The following PVT1 variants were observed in gnomAD, a reference collection of about 807,000 sequenced individuals.
PVT1 encodes the protein Pvt1 oncogene, also known as CXCR4/PVT1 fusion.
At chr8:127,945,158 T>C (rs1816404880) in intron 3 of PVT1, among the ~76,000 whole-genome samples, 1 of 152,216 alleles carries the variant, frequency 6.6e-6, no homozygotes, top group Non-Finnish European at 1.5e-5. Context: ...ACCATTCCCC[T>C]GTTGAGACAC....
chr8:127,912,593 G>A (rs1355086396), intron 3 of PVT1, among the ~76,000 whole-genome samples: 1 of 152,226 alleles, frequency 6.6e-6, no homozygotes, highest in Admixed American at 6.5e-5. Flanking sequence ...TATTGTGATA[G>A]AGGAAGAAAG....
At chr8:127,992,074 CAAAA>C (rs72120482) in intron 4 of PVT1, among the ~76,000 whole-genome samples, 3 of 141,932 alleles carry the variant, frequency 2.1e-5, no homozygotes, top group African/African-American at 8.0e-5. Flanking sequence ...TTTCTTAAAA[CAAAA>C]AAAAAAAAAA....
intron 3 of PVT1, among the ~76,000 whole-genome samples, chr8:127,940,778 T>A (rs1692024027): frequency 6.6e-6 from 1 of 152,062 alleles, no homozygotes; most frequent in Non-Finnish European, 1.5e-5. Flanking sequence ...TTTTTTGTAT[T>A]TTTTGTAGAG....
At chr8:127,960,895 CTCTT>C (rs1459824873) in intron 3 of PVT1, among the ~76,000 whole-genome samples, 1 of 122,372 alleles carries the variant, frequency 8.2e-6, no homozygotes, top group Non-Finnish European at 1.6e-5. Context: ...GTTGGAAGTG[CTCTT>C]TTTCCTTAGA....
chr8:127,835,100 A>G (rs190509840), intron 2 of PVT1, among the ~76,000 whole-genome samples: 10 of 152,316 alleles, frequency 6.6e-5, no homozygotes, highest in Non-Finnish European at 8.8e-5. Context: ...TACTGGGTAT[A>G]TACCCAAAAG....
chr8:127,921,854 GTTTTTTTT>G (rs71300279), intron 3 of PVT1, among the ~76,000 whole-genome samples: 7 of 71,924 alleles, frequency 9.7e-5, no homozygotes, highest in Middle Eastern at 0.024. Flanking sequence ...TTTGGTTCAT[GTTTTTTTT>G]TTTTTTTTTT....
intron 5 of PVT1, among the ~76,000 whole-genome samples, chr8:128,075,920 C>A (rs1002789483): frequency 4.6e-5 from 7 of 152,236 alleles, no homozygotes; most frequent in African/African-American, 1.7e-4. Flanking sequence ...TCACTGCTAT[C>A]TTTTGGTAGC....
chr8:127,915,385 G>A (rs956464734), intron 3 of PVT1, among the ~76,000 whole-genome samples: 2 of 151,508 alleles, frequency 1.3e-5, no homozygotes, highest in African/African-American at 2.4e-5. Context: ...CGAGGCGGGC[G>A]GCAGATCACC....
At chr8:127,974,051 A>G (rs949609922) in intron 3 of PVT1, among the ~76,000 whole-genome samples, 3 of 151,656 alleles carry the variant, frequency 2.0e-5, no homozygotes, top group Non-Finnish European at 4.4e-5. Flanking sequence ...AGGGCTTTAT[A>G]TTTTCGAAGG....
chr8:128,018,372 C>T (rs1413234470), intron 4 of PVT1, among the ~76,000 whole-genome samples: 2 of 152,210 alleles, frequency 1.3e-5, no homozygotes, highest in Non-Finnish European at 2.9e-5. Flanking sequence ...GCAGCAGCCC[C>T]TTTGTGCCTC....
intron 4 of PVT1, among the ~76,000 whole-genome samples, chr8:128,056,857 G>C (rs741460): frequency 0.18 from 26,831 of 152,034 alleles, 2,436 homozygotes; most frequent in East Asian, 0.27. Flanking sequence ...GCCCATGCTT[G>C]CCCCAGCAGT....
At chr8:127,872,378 A>G (rs1815360496) in intron 2 of PVT1, among the ~76,000 whole-genome samples, 1 of 152,194 alleles carries the variant, frequency 6.6e-6, no homozygotes, top group Non-Finnish European at 1.5e-5. Context: ...GCGCCACTGC[A>G]CTCCAGCCTG....
At chr8:128,010,737 C>T (rs773848450) in intron 4 of PVT1, 1 of 152,240 alleles carries the variant, frequency 6.6e-6, no homozygotes, top group East Asian at 1.9e-4. Context: ...TGAGCATCTA[C>T]TCTGGATGAG....
At chr8:127,795,143 C>A (rs192555101) in intron 1 of PVT1, among the ~76,000 whole-genome samples, 1 of 152,154 alleles carries the variant, frequency 6.6e-6, no homozygotes, top group Non-Finnish European at 1.5e-5. Flanking sequence ...CCTCTCACAC[C>A]CCCTCAGGGC....
intron 4 of PVT1, among the ~76,000 whole-genome samples, chr8:128,041,669 T>A (rs1586494284): frequency 6.6e-6 from 1 of 150,976 alleles, no homozygotes; most frequent in African/African-American, 2.4e-5. Flanking sequence ...TGTGAGTGCG[T>A]GTTGTTCGTG....
At chr8:127,829,602 A>C (rs1209818488) in intron 2 of PVT1, among the ~76,000 whole-genome samples, 1 of 152,212 alleles carries the variant, frequency 6.6e-6, no homozygotes, top group African/African-American at 2.4e-5. Context: ...AAGTTGAATG[A>C]GTTTTACATT....
At chr8:127,952,437 G>T (rs1382751053) in intron 3 of PVT1, among the ~76,000 whole-genome samples, 1 of 152,222 alleles carries the variant, frequency 6.6e-6, no homozygotes, top group Non-Finnish European at 1.5e-5. Context: ...CTGTCTCATT[G>T]CTTACTCAGC....
chr8:127,952,988 TCTC>T (rs1266060715), intron 3 of PVT1, among the ~76,000 whole-genome samples: 16 of 152,100 alleles, frequency 1.1e-4, no homozygotes, highest in African/African-American at 3.1e-4. Context: ...ATGGTCTCGA[TCTC>T]CTGCCCTCGT....
intron 2 of PVT1, among the ~76,000 whole-genome samples, chr8:127,837,131 G>A (rs1049548550): frequency 2.0e-5 from 3 of 152,202 alleles, no homozygotes; most frequent in African/African-American, 2.4e-5. Context: ...ACACCCCCAC[G>A]CCCCTTCAGC....
Sources: gnomAD v4.1 joint callset for allele counts (sites outside exome capture counted in the v4.1 genomes callset) on GRCh38, gnomAD v4.1.1 for gene constraint, MANE v1.5 for transcripts, NCBI Gene and HGNC (gene_info 2026-07-23, HGNC 2026-07-21) for gene names.